RNF32: variants seen among roughly 807,000 people sequenced by gnomAD.
The protein encoded by RNF32 is ring finger protein 32.
A neutral mutation model predicts 41.0 loss-of-function variants in RNF32; 36 were observed. That is an observed-to-expected ratio of 0.88 (90% confidence interval 0.67 to 1.16). The LOEUF is 1.16. Ranked by LOEUF, RNF32 falls within the 50% of genes most tolerant of loss-of-function variation. The pLI is 0.00. For missense variants in RNF32, 413 were observed against 436.7 expected (o/e 0.95, Z 0.48); for synonymous variants, 154 against 160.9 (o/e 0.96, Z 0.32).
At chr7:156,658,698 T>C in intron 7 of RNF32, 128 bp downstream of exon 7, 1 of 768,374 alleles carries the variant, frequency 1.3e-6, no homozygotes, top group South Asian at 1.8e-5. Context: ...TAAAAATGGG[T>C]GAGATGCTGC....
intron 7 of RNF32, among the ~76,000 whole-genome samples, chr7:156,667,145 G>A (rs1396257059): frequency 6.6e-6 from 1 of 152,202 alleles, no homozygotes; most frequent in East Asian, 1.9e-4. Flanking sequence ...CCAAGCAGCA[G>A]GACTGGAAGG....
intron 7 of RNF32, chr7:156,658,979 C>A: frequency 6.6e-7 from 1 of 1,506,932 alleles, no homozygotes; most frequent in South Asian, 1.3e-5. Flanking sequence ...AATAAAGCCC[C>A]CACATGCTAC....
chr7:156,658,075 C>T (rs1033586779), intron 5 of RNF32, 53 bp from the exon 6 acceptor site: 11 of 1,542,752 alleles, frequency 7.1e-6, no homozygotes, highest in African/African-American at 4.1e-5. Context: ...GAAGTAAAAA[C>T]GTTGTTTATA....
At chr7:156,651,996 C>T (rs971690923) in intron 3 of RNF32, among the ~76,000 whole-genome samples, 3 of 152,168 alleles carry the variant, frequency 2.0e-5, no homozygotes, top group Admixed American at 6.5e-5. Flanking sequence ...GACCTCATGG[C>T]GGCCTCCTCC....
chr7:156,661,024 G>A (rs1257815598), intron 7 of RNF32, among the ~76,000 whole-genome samples: 1 of 152,336 alleles, frequency 6.6e-6, no homozygotes, highest in Admixed American at 6.5e-5. Context: ...GGAGTCAGCA[G>A]AAGGGAATCT....
chr7:156,662,775 A>AG (rs1585066987), intron 7 of RNF32, among the ~76,000 whole-genome samples: 1 of 152,148 alleles, frequency 6.6e-6, no homozygotes, highest in African/African-American at 2.4e-5. Context: ...TAAAGTATGA[A>AG]ATGACTGAAA....
rs547928614 is a variant in RNF32 at position 156,642,709 on chromosome 7, G to A, written c.-77-1092G>A. Among the ~76,000 whole-genome samples, 49 of 152,354 alleles carry A rather than the reference G, an allele frequency of 3.2e-4. No individual in the cohort carries two copies. In the South Asian group the frequency reaches 9.5e-3, roughly 30 times the overall value. On this transcript the variant is annotated intron_variant, in intron 1 of 8. Coordinates refer to ENST00000317955, the MANE Select transcript of RNF32 (RefSeq NM_030936.4). ...CTGGAGAGGACGGCATCCCATGGCA[G>A]GGCACACTCACACTCACTCAGACGG... is the stretch of plus-strand genomic sequence containing the variant.
At chr7:156,649,967 G>A (rs1798493140) in intron 3 of RNF32, among the ~76,000 whole-genome samples, 1 of 152,220 alleles carries the variant, frequency 6.6e-6, no homozygotes, top group Admixed American at 6.5e-5. Context: ...AGAAAATAGG[G>A]ATGATATGTT....
intron 7 of RNF32, among the ~76,000 whole-genome samples, chr7:156,672,421 T>A (rs888411956): frequency 6.6e-6 from 1 of 152,248 alleles, no homozygotes; most frequent in Non-Finnish European, 1.5e-5. Context: ...AAGGAGGCAA[T>A]AGGTGACATC....
intron 7 of RNF32, among the ~76,000 whole-genome samples, chr7:156,673,972 A>AC (rs1441027193): frequency 2.6e-5 from 4 of 152,046 alleles, no homozygotes; most frequent in Non-Finnish European, 4.4e-5. Context: ...TGAAACCTGG[A>AC]CAGTCATGGA....
Position 156,676,988 on chromosome 7 carries a change from C to G in RNF32, c.*333C>G, listed in dbSNP as rs925184974. On this transcript the variant is annotated 3_prime_UTR_variant, in exon 9 of 9. Transcript: ENST00000317955. ...CTTAAAGTAAGTTCCAAATGTAAAA[C>G]ACTCCTTAAGTTCCAAATGTTTTCC... The G allele has an allele frequency of 4.3e-6, 1 of 234,680 alleles. No individual in the cohort carries two copies. The highest frequency in any genetic ancestry group is 8.5e-6 in the Non-Finnish European group (1 of 118,142). 14.5% of individuals were successfully genotyped at this position (234,680 alleles called of 1,614,324 possible). A position where few individuals can be genotyped will look rare whatever the true frequency, so the allele number is the denominator to read the frequency against.
chr7:156,650,120 T>C (rs1798522746), intron 3 of RNF32, among the ~76,000 whole-genome samples: 1 of 152,216 alleles, frequency 6.6e-6, no homozygotes, highest in South Asian at 2.1e-4. Context: ...ATGTAAAGCT[T>C]AATGGTGTGT....
intron 7 of RNF32, among the ~76,000 whole-genome samples, chr7:156,664,885 C>T (rs1284152277): frequency 4.6e-5 from 7 of 151,854 alleles, no homozygotes; most frequent in Non-Finnish European, 1.0e-4. Context: ...ATTGTTTTCA[C>T]CAAGAAACAA....
intron 7 of RNF32, among the ~76,000 whole-genome samples, chr7:156,674,731 T>G (rs1274809423): frequency 6.6e-6 from 1 of 152,178 alleles, no homozygotes; most frequent in Admixed American, 6.5e-5. Flanking sequence ...TTAATAAACG[T>G]TGAAGTGATA....
rs192409544 is a variant in RNF32 at position 156,640,804 on chromosome 7, G to A, written c.-85G>A. 25 of 234,750 alleles carry A rather than the reference G, an allele frequency of 1.1e-4. No homozygotes were observed. Among genetic ancestry groups the A allele is most frequent in the South Asian group, 9.9e-4 (25 of 25,182 alleles). The allele number at this position is 234,750 out of a possible 1,614,324, so 14.5% of individuals were successfully genotyped here. ...TCCCTGGGTTCCGGTGTTCGCGGAG[G>A]AGTCGAGGCACGGAGAGGCTTCGGG... On this transcript the variant is annotated 5_prime_UTR_variant, in exon 1 of 9. Transcript: ENST00000317955.
chr7:156,657,494 G>T, intron 4 of RNF32, 47 bp from the exon 5 acceptor site: 1 of 1,595,702 alleles, frequency 6.3e-7, no homozygotes. Context: ...GATACATGCT[G>T]CTTCTCTTTT....
chr7:156,648,503 C>T (rs1798279142), intron 3 of RNF32, among the ~76,000 whole-genome samples: 1 of 152,030 alleles, frequency 6.6e-6, no homozygotes, highest in Non-Finnish European at 1.5e-5. Context: ...AGAGTTTTAT[C>T]AGGAAAAATT....
chr7:156,658,783 A>C, intron 7 of RNF32: 1 of 972,506 alleles, frequency 1.0e-6, no homozygotes, highest in Middle Eastern at 2.1e-4. Flanking sequence ...TTTCTAGTTA[A>C]ATCATAAAAT....
chr7:156,646,644 G>C, intron 3 of RNF32: 1 of 483,656 alleles, frequency 2.1e-6, no homozygotes, highest in South Asian at 2.0e-5. Context: ...TTTAGATTAG[G>C]CATCAATGAG....
Sources: allele counts gnomAD v4.1 joint callset (sites outside exome capture counted in the v4.1 genomes callset), GRCh38; gene constraint gnomAD v4.1.1; transcripts MANE v1.5; gene names NCBI Gene and HGNC (gene_info 2026-07-23, HGNC 2026-07-21).